Variants in HERC1 observed in about 807,000 individuals in gnomAD.
HERC1 encodes the protein HECT and RLD domain containing E3 ubiquitin protein ligase family member 1, also known as probable E3 ubiquitin-protein ligase HERC1.
HERC1 carries 160 observed loss-of-function variants against 554.3 expected under a neutral mutation model. The ratio of observed to expected loss-of-function variants is 0.29; its 90% confidence interval spans 0.25 to 0.33. The LOEUF is 0.33. Ranked by LOEUF, HERC1 falls within the 10% of genes least tolerant of loss-of-function variation. The probability of loss-of-function intolerance (pLI) is 1.00; values close to 1 mark genes in which losing one functional copy is unlikely to be tolerated. For synonymous variants in HERC1, 2,175 were observed against 2,131.7 expected (o/e 1.02, Z -0.56); for missense variants, 4,919 against 5,918.5 (o/e 0.83, Z 5.54).
At chr15:63,726,326 G>A (rs2074038972) in intron 17 of HERC1, among the ~76,000 whole-genome samples, 1 of 151,996 alleles carries the variant, frequency 6.6e-6, no homozygotes, top group Non-Finnish European at 1.5e-5. Flanking sequence ...AAAAGTTCTT[G>A]ACTTCACGAA....
intron 22 of HERC1, among the ~76,000 whole-genome samples, chr15:63,714,708 C>T (rs369629288): frequency 2.6e-5 from 4 of 151,878 alleles, no homozygotes; most frequent in East Asian, 1.9e-4. Flanking sequence ...GCCACCACAC[C>T]GGCTAATTTT....
At chr15:63,796,678 T>C (rs768282313) in intron 1 of HERC1, among the ~76,000 whole-genome samples, 32 of 152,356 alleles carry the variant, frequency 2.1e-4, no homozygotes, top group Non-Finnish European at 3.7e-4. Flanking sequence ...TCAATACTTG[T>C]AAAATGTCCA....
At chr15:63,672,954 G>C (rs1276042420) in intron 38 of HERC1, among the ~76,000 whole-genome samples, 1 of 152,094 alleles carries the variant, frequency 6.6e-6, no homozygotes, top group Admixed American at 6.5e-5. Flanking sequence ...TTTTAGAGAA[G>C]AGGGTTCTCT....
At chr15:63,635,059 T>C (rs1201581292) in intron 65 of HERC1, 171 bp from the exon 66 acceptor site, 1 of 459,056 alleles carries the variant, frequency 2.2e-6, no homozygotes, top group African/African-American at 2.0e-5. Context: ...TTTTTTTAAA[T>C]TTTAAAGAGA....
chr15:63,632,469 G>A, intron 68 of HERC1: 1 of 558,932 alleles, frequency 1.8e-6, no homozygotes, highest in Non-Finnish European at 3.2e-6. Context: ...CCCTTGGCAG[G>A]GACTCTTCTA....
At chr15:63,627,887 T>C (rs1164379513) in intron 70 of HERC1, among the ~76,000 whole-genome samples, 2 of 152,108 alleles carry the variant, frequency 1.3e-5, no homozygotes, top group East Asian at 1.9e-4. Context: ...AAATTAAAAA[T>C]AAAACAAACA....
Position 63,623,445 on chromosome 15 carries a change from T to C in HERC1, c.13611+280A>G, listed in dbSNP as rs1243963637. ...TTTGTCTGTTACATAAATGTACATA[T>C]ATGCCATTGTTATTCTGCCAATATT... is the stretch of plus-strand genomic sequence containing the variant. On this transcript the variant is annotated intron_variant, in intron 73 of 77. Transcript: ENST00000443617. 6.6e-5 allele frequency among the ~76,000 whole-genome samples: 10 copies of C among 152,236 alleles called. No homozygotes were observed. In the East Asian group the frequency reaches 1.7e-3, roughly 26 times the overall value.
At chr15:63,702,860 C>T (rs576950212) in intron 25 of HERC1, among the ~76,000 whole-genome samples, 80 of 152,282 alleles carry the variant, frequency 5.3e-4, no homozygotes, top group African/African-American at 1.9e-3. Context: ...AATCCCAGTA[C>T]TTTGGGAGAC....
Position 63,612,857 on chromosome 15 carries a change from C to T in HERC1, c.14095-301G>A, listed in dbSNP as rs1442319853. On this transcript the variant is annotated intron_variant, in intron 76 of 77. Coordinates refer to ENST00000443617, the MANE Select transcript of HERC1 (RefSeq NM_003922.4). The surrounding 1 kb of genome is among the most constrained non-coding windows in gnomAD (Gnocchi z 5.0). ...AGCCCACTGGGGCCTTCCCTGATGCCAGCCCCACTCACTCATATTCCTAAT... is the reference window on the plus strand; with the variant it reads ...AGCCCACTGGGGCCTTCCCTGATGCTAGCCCCACTCACTCATATTCCTAAT... 6.6e-6 allele frequency among the ~76,000 whole-genome samples: 1 copy of T among 152,210 alleles called. No individual in the cohort carries two copies. Among genetic ancestry groups the T allele is most frequent in the Non-Finnish European group, 1.5e-5 (1 of 68,040 alleles).
intron 43 of HERC1, 61 bp downstream of exon 43, chr15:63,664,409 C>T (rs1169594990): frequency 6.6e-7 from 1 of 1,519,490 alleles, no homozygotes; most frequent in Non-Finnish European, 9.0e-7. Flanking sequence ...TTTAATGTGC[C>T]TTTACATTGC....
intron 24 of HERC1, among the ~76,000 whole-genome samples, chr15:63,710,256 T>G (rs574348984): frequency 6.6e-6 from 1 of 152,276 alleles, no homozygotes; most frequent in East Asian, 1.9e-4. Flanking sequence ...AATCAGCAGG[T>G]AGGTGTTTTG....
chr15:63,622,679 A>G (rs1468885134), intron 74 of HERC1, 136 bp downstream of exon 74: 1 of 578,184 alleles, frequency 1.7e-6, no homozygotes, highest in Non-Finnish European at 2.9e-6. Flanking sequence ...TTTACTCCTT[A>G]GGGTTACAAT....
At position 63,751,157 on chromosome 15, in the gene HERC1, G is replaced by A. The variant is rs572744527; in HGVS notation, c.1903-1366C>T. ...CTCATGCACCATTCGGTCAATAGCA[G>A]ACCACATTATACAACAGTGGTCCCT... On this transcript the variant is annotated intron_variant, in intron 8 of 77. Transcript: ENST00000443617. 4.6e-5 allele frequency among the ~76,000 whole-genome samples: 7 copies of A among 152,212 alleles called. No individual in the cohort carries two copies. The South Asian group carries it at 1.4e-3, about 32-fold the overall frequency.
intron 14 of HERC1, among the ~76,000 whole-genome samples, chr15:63,732,117 C>A (rs961902696): frequency 6.6e-6 from 1 of 152,012 alleles, no homozygotes; most frequent in African/African-American, 2.4e-5. Context: ...TCTCCCACCT[C>A]GGCCTCCTGA....
intron 1 of HERC1, among the ~76,000 whole-genome samples, chr15:63,831,543 C>G (rs1288619390): frequency 6.6e-6 from 1 of 152,180 alleles, no homozygotes; most frequent in Non-Finnish European, 1.5e-5. Context: ...ACAACCTTCT[C>G]ACTCTCCAAG....
chr15:63,623,611 C>A, intron 73 of HERC1, 114 bp downstream of exon 73: 1 of 1,029,562 alleles, frequency 9.7e-7, no homozygotes, highest in Non-Finnish European at 1.5e-6. Flanking sequence ...ATGAGGCTCA[C>A]AAATGCATCC....
chr15:63,820,860 T>C (rs1297565529), intron 1 of HERC1, among the ~76,000 whole-genome samples: 1 of 152,092 alleles, frequency 6.6e-6, no homozygotes, highest in East Asian at 1.9e-4. Flanking sequence ...GAAAAATAAC[T>C]TACCAGAAAC....
rs146032767 is a variant in HERC1 at position 63,783,116 on chromosome 15, G to C, written c.-26-7467C>G. ...TTACATAAATTTAATTGATAATGCA[G>C]TAGCAGAGTTAGAGAGGACTGACTC... is the stretch of plus-strand genomic sequence containing the variant. On this transcript the variant is annotated intron_variant, in intron 1 of 77. Coordinates refer to ENST00000443617, the MANE Select transcript of HERC1 (RefSeq NM_003922.4). Among the ~76,000 whole-genome samples the C allele has an allele frequency of 2.5e-3, 384 of 152,360 alleles. 2 individuals carry two copies. The highest frequency in any genetic ancestry group is 8.5e-3 in the African/African-American group (354 of 41,584).
chr15:63,773,106 A>G (rs914814616), intron 2 of HERC1, among the ~76,000 whole-genome samples: 10 of 152,196 alleles, frequency 6.6e-5, no homozygotes, highest in African/African-American at 2.4e-4. Context: ...TTAACTAAAT[A>G]GATTTGTTGG....
Sources: gnomAD v4.1 joint callset for allele counts (sites outside exome capture counted in the v4.1 genomes callset) on GRCh38, gnomAD v4.1.1 for gene constraint, Gnocchi (gnomAD v3.1) non-coding constraint, MANE v1.5 for transcripts, NCBI Gene and HGNC (gene_info 2026-07-23, HGNC 2026-07-21) for gene names.